Variants in GEN1 observed in about 807,000 individuals in gnomAD.
The protein encoded by GEN1 is GEN1 structure-specific endonuclease, also known as flap endonuclease GEN homolog 1.
GEN1 carries 64 observed loss-of-function variants against 67.6 expected under a neutral mutation model. The observed-to-expected ratio is 0.95, with a 90% CI of 0.77 to 1.17. The LOEUF is 1.17. Ranked by LOEUF, GEN1 falls within the 50% of genes most tolerant of loss-of-function variation. GEN1 has a pLI of 0.00. For missense variants in GEN1, 1,058 were observed against 1,048.3 expected (o/e 1.01, Z -0.13); for synonymous variants, 371 against 359.4 (o/e 1.03, Z -0.37).
rs1673079313 is a variant in GEN1, at chr2:17,786,958, C to T, written c.*5019C>T. The T allele has an allele frequency of 6.6e-6, 1 of 152,208 alleles. No individual in the cohort carries two copies. The highest frequency in any genetic ancestry group is 1.5e-5 in the Non-Finnish European group (1 of 68,058). 9.4% of individuals were successfully genotyped at this position (152,208 alleles called of 1,614,324 possible). ...CTGGCCTTAGTACTTCAGCATGGCT[C>T]ACAAGGCTGAGGCAGCCTGGCCCCA... On this transcript the variant is annotated 3_prime_UTR_variant, in exon 14 of 14. Coordinates refer to ENST00000381254, the MANE Select transcript of GEN1 (RefSeq NM_001130009.3).
upstream of GEN1, among the ~76,000 whole-genome samples, chr2:17,753,410 T>TGCCG (rs1330997690): frequency 9.0e-6 from 1 of 111,596 alleles, no homozygotes; most frequent in African/African-American, 3.6e-5. Context: ...AGGAGACCGG[T>TGCCG]GCCGCCTCGG....
intron 7 of GEN1, 82 bp from the exon 8 acceptor site, chr2:17,772,552 T>A: frequency 7.5e-7 from 1 of 1,329,378 alleles, no homozygotes; most frequent in Non-Finnish European, 1.0e-6. Flanking sequence ...TTTGGAAAAT[T>A]TAGATACTGG....
Position 17,780,708 on chromosome 2 carries a change from T to A in GEN1, c.1496T>A (p.Ile499Asn), listed in dbSNP as rs1672782242. 1 of 1,613,846 alleles carries A rather than the reference T, an allele frequency of 6.2e-7. No individual in the cohort carries two copies. The highest frequency in any genetic ancestry group is 1.7e-5 in the Admixed American group (1 of 60,000). The change falls in exon 14 of 14, where the codon ATC becomes AAC. Residue 499 changes from isoleucine to asparagine, a missense_variant. Physicochemically the swap from Ile to Asn is moderately radical, Grantham distance 149. Transcript: ENST00000381254. ...SHMTLKPTCE[I>N]FHKQNSKLNS... is the part of the protein sequence containing the mutation. ...ATGACTTTAAAACCCACATGTGAAA[T>A]CTTTCATAAGCAGAATTCCAAGTTA...
Position 17,771,183 on chromosome 2 carries a change from C to G in GEN1, c.711-13C>G. 1 of 1,572,092 alleles carries G rather than the reference C, an allele frequency of 6.4e-7. No individual in the cohort carries two copies. Among genetic ancestry groups the G allele is most frequent in the South Asian group, 1.1e-5 (1 of 90,286 alleles). ...TTTTTTTTCCTTTTTTTAAAAACCA[C>G]TTTCTATTAAAGGTTTAATCGGTGG... On this transcript the variant is annotated splice_polypyrimidine_tract_variant and intron_variant, in intron 6 of 13. Coordinates refer to ENST00000381254, the MANE Select transcript of GEN1 (RefSeq NM_001130009.3).
In GEN1 at chr2:17,781,540, T is replaced by C. The variant is rs373168915; in HGVS notation, c.2328T>C (p.Asp776=). 6.2e-7 allele frequency: 1 copy of C among 1,613,772 alleles called. No individual in the cohort carries two copies. The highest frequency in any genetic ancestry group is 8.5e-7 in the Non-Finnish European group (1 of 1,179,974). Residue 776 remains aspartate, a synonymous_variant, in exon 14 of 14, where the codon GAT becomes GAC. Coordinates refer to ENST00000381254, the MANE Select transcript of GEN1 (RefSeq NM_001130009.3). ...CNVRPPNTAL[D]HSRKVDMQTT... ...TTAGACCACCAAATACTGCTTTAGA[T>C]CATAGTAGAAAAGTTGATATGCAAA...
At chr2:17,756,064 C>T (rs949000306) in intron 1 of GEN1, among the ~76,000 whole-genome samples, 4 of 152,100 alleles carry the variant, frequency 2.6e-5, no homozygotes, top group African/African-American at 9.7e-5. Context: ...ACCAGTTGGT[C>T]ATGCAATTCA....
chr2:17,770,927 C>T (rs1314040316), intron 6 of GEN1: 2 of 344,380 alleles, frequency 5.8e-6, no homozygotes, highest in Admixed American at 3.9e-5. Flanking sequence ...TATATATATA[C>T]AATTTTTTTT....
At position 17,774,372 on chromosome 2, in the gene GEN1, C is replaced by T. The variant is rs1027600262; in HGVS notation, c.1173C>T (p.Ser391=). The change falls in exon 11 of 14, where the codon AGC becomes AGT. Residue 391 remains serine (S), a synonymous_variant. Transcript: ENST00000381254. ...HYDMIERKLG[S]RNSNQLQPIR... ...ACATGATAGAAAGAAAGCTTGGTAGCAGAAACTCTAATCAACTACAGCCAA... is the reference window on the plus strand; with the variant it reads ...ACATGATAGAAAGAAAGCTTGGTAGTAGAAACTCTAATCAACTACAGCCAA... 1 of 1,604,614 alleles carries T rather than the reference C, an allele frequency of 6.2e-7. No individual in the cohort carries two copies.
intron 1 of GEN1, among the ~76,000 whole-genome samples, chr2:17,755,996 T>C (rs1671416997): frequency 6.6e-6 from 1 of 152,238 alleles, no homozygotes; most frequent in Non-Finnish European, 1.5e-5. Context: ...ATTTATGTTC[T>C]TTCTATTATA....
Position 17,781,360 on chromosome 2 carries a change from A to T in GEN1, c.2148A>T (p.Thr716=). ...TTGCTAACAGTGGTTCTGATTGTAC[A>T]TCACATCTTTCAAAGGATCTTCCAG... The part of the protein sequence containing the change: ...SCIANSGSDC[T]SHLSKDLPGI... The change falls in exon 14 of 14, where the codon ACA becomes ACT. Residue 716 remains threonine (T), a synonymous_variant. Transcript: ENST00000381254. The T allele has an allele frequency of 6.2e-7, 1 of 1,613,970 alleles. No individual in the cohort carries two copies. The highest frequency in any genetic ancestry group is 8.5e-7 in the Non-Finnish European group (1 of 1,179,910).
chr2:17,776,683 G>A (rs1042403299), intron 11 of GEN1, among the ~76,000 whole-genome samples: 1 of 152,198 alleles, frequency 6.6e-6, no homozygotes, highest in East Asian at 1.9e-4. Context: ...TTTCATAACC[G>A]TAATAGATGC....
At position 17,787,388 on chromosome 2, in the gene GEN1, G is replaced by A. The variant is rs1673092999; in HGVS notation, c.*5449G>A. 1 of 152,094 alleles carries A rather than the reference G, an allele frequency of 6.6e-6. No individual in the cohort carries two copies. Among genetic ancestry groups the A allele is most frequent in the Non-Finnish European group, 1.5e-5 (1 of 68,036 alleles). 9.4% of individuals were successfully genotyped at this position (152,094 alleles called of 1,614,324 possible). On this transcript the variant is annotated 3_prime_UTR_variant, in exon 14 of 14. Coordinates refer to ENST00000381254, the MANE Select transcript of GEN1 (RefSeq NM_001130009.3). ...TCACTTCCCCCAGATGCCTACACAG[G>A]GTTTGACTCTTCTGCCTCACCAACT...
chr2:17,758,242 AC>A (rs573679215), intron 1 of GEN1, among the ~76,000 whole-genome samples: 351 of 152,344 alleles, frequency 2.3e-3, no homozygotes, highest in African/African-American at 8.1e-3. Context: ...CCAGAAGATA[AC>A]CTGCATTTAA....
rs1195062462 is a variant in GEN1, at chr2:17,781,442, C to T, written c.2230C>T (p.Leu744Phe). Residue 744 changes from leucine (L) to phenylalanine (F), a missense_variant, in exon 14 of 14, where the codon CTT becomes TTT. By Grantham distance (22) the Leu-to-Phe change is conservative. Transcript: ENST00000381254. ...DSKILKGDQL[L>F]QEDYKVNTSV... is the part of the protein sequence containing the mutation. Reference sequence around the variant, plus strand: ...TAAAATTCTAAAAGGAGACCAGCTGCTTCAAGAAGACTATAAAGTCAATAC... The same window carrying T: ...TAAAATTCTAAAAGGAGACCAGCTGTTTCAAGAAGACTATAAAGTCAATAC... 6.2e-7 allele frequency: 1 copy of T among 1,613,466 alleles called. No individual in the cohort carries two copies. Among genetic ancestry groups the T allele is most frequent in the African/African-American group, 1.3e-5 (1 of 74,924 alleles).
rs1673110671 is a variant in GEN1 at position 17,788,009 on chromosome 2, CT to C, written c.*6071del. On this transcript the variant is annotated 3_prime_UTR_variant, in exon 14 of 14. Transcript: ENST00000381254. Reference sequence around the variant, plus strand: ...GTCAGGGTCTTAGTTCTAAATTTCTCTGTGGAGAGAGACCAAATCTAACCGG... The same window carrying C: ...GTCAGGGTCTTAGTTCTAAATTTCTCGTGGAGAGAGACCAAATCTAACCGG... 6.6e-6 allele frequency: 1 copy of C among 152,212 alleles called. No homozygotes were observed. Among genetic ancestry groups the C allele is most frequent in the South Asian group, 2.1e-4 (1 of 4,832 alleles). The allele number at this position is 152,212 out of a possible 1,614,324, so 9.4% of individuals were successfully genotyped here.
Position 17,781,188 on chromosome 2 carries a change from A to T in GEN1, c.1976A>T (p.His659Leu). 1.2e-6 allele frequency: 2 copies of T among 1,613,878 alleles called. No homozygotes were observed. Among genetic ancestry groups the T allele is most frequent in the Non-Finnish European group, 1.7e-6 (2 of 1,179,798 alleles). ...EDSDGISPEE[H>L]LLSGITDLCL... ...TCTGATGGGATTAGTCCTGAAGAGC[A>T]TCTACTTTCTGGCATTACTGATTTA... Residue 659 changes from histidine to leucine, a missense_variant, in exon 14 of 14, where the codon CAT (histidine) becomes CTT (leucine). Coordinates refer to ENST00000381254, the MANE Select transcript of GEN1 (RefSeq NM_001130009.3).
chr2:17,755,898 A>G (rs1329252983), intron 1 of GEN1: 3 of 152,240 alleles, frequency 2.0e-5, no homozygotes, highest in Non-Finnish European at 4.4e-5. Context: ...TTAGGAACTT[A>G]AATTGATTTA....
At chr2:17,769,209 T>G (rs1164384988) in intron 6 of GEN1, among the ~76,000 whole-genome samples, 3 of 151,184 alleles carry the variant, frequency 2.0e-5, no homozygotes, top group Non-Finnish European at 4.4e-5. Flanking sequence ...AAAATATACA[T>G]ATTATTTATA....
chr2:17,771,205 G>C lies in GEN1; in HGVS notation c.720G>C (p.Arg240=). The C allele has an allele frequency of 1.2e-6, 2 of 1,606,688 alleles. No homozygotes were observed. Among genetic ancestry groups the C allele is most frequent in the Non-Finnish European group, 1.7e-6 (2 of 1,173,686 alleles). ...CCACTTTCTATTAAAGGTTTAATCG[G>C]TGGAATGAAACATCTTGTAACTCTA... The part of the protein sequence containing the change: ...KGQSLLQRFN[R]WNETSCNSSP... The change falls in exon 7 of 14, where the codon CGG becomes CGC. Residue 240 remains arginine (R), a synonymous_variant. Transcript: ENST00000381254.
Sources: gnomAD v4.1 joint callset for allele counts (sites outside exome capture counted in the v4.1 genomes callset) on GRCh38, gnomAD v4.1.1 for gene constraint, MANE v1.5 for transcripts, NCBI Gene and HGNC (gene_info 2026-07-23, HGNC 2026-07-21) for gene names.